The following TENM2 variants were observed in gnomAD, a reference collection of about 807,000 sequenced individuals.
TENM2 encodes the protein teneurin transmembrane protein 2, also known as teneurin-2.
Under a neutral mutation model 245.2 loss-of-function variants are expected in TENM2, and 52 were observed. The observed-to-expected ratio is 0.21, with a 90% CI of 0.17 to 0.27. The LOEUF is 0.27. TENM2 is among the 10% of genes least tolerant of loss of function. The probability of loss-of-function intolerance (pLI) is 1.00; values close to 1 mark genes in which losing one functional copy is unlikely to be tolerated. For synonymous variants in TENM2, 1,363 were observed against 1,438.9 expected (o/e 0.95, Z 1.19); for missense variants, 3,046 against 3,666.8 (o/e 0.83, Z 4.37).
chr5:167,157,929 G>T, the TENM2 span, among the ~76,000 whole-genome samples: 2 of 152,156 alleles, frequency 1.3e-5, no homozygotes, highest in Non-Finnish European at 2.9e-5. Flanking sequence ...CAATGAGAAA[G>T]AAGAGAAGAA....
chr5:167,572,865 G>A (rs1310348509), intron 2 of TENM2, among the ~76,000 whole-genome samples: 1 of 152,222 alleles, frequency 6.6e-6, no homozygotes, highest in African/African-American at 2.4e-5. Context: ...ACTCACGAAA[G>A]CAATCCTGTT....
intron 2 of TENM2, among the ~76,000 whole-genome samples, chr5:167,817,098 A>G (rs1311944913): frequency 6.6e-6 from 1 of 152,208 alleles, no homozygotes; most frequent in African/African-American, 2.4e-5. Context: ...GATGCAACAT[A>G]TCATATTTTT....
intron 12 of TENM2, among the ~76,000 whole-genome samples, chr5:168,156,756 G>A (rs1256989520): frequency 6.6e-6 from 1 of 151,840 alleles, no homozygotes; most frequent in Non-Finnish European, 1.5e-5. Flanking sequence ...GTAGAACCTT[G>A]GAAACTCTCT....
Position 168,204,425 on chromosome 5 carries a change from A to G in TENM2, c.3628A>G (p.Ile1210Val). Residue 1210 changes from isoleucine (I) to valine (V), a missense_variant, in exon 19 of 29, where the codon ATC (isoleucine) becomes GTC (valine). Physicochemically the swap from Ile to Val is conservative, Grantham distance 29. Transcript: ENST00000518659. ...CCAGTTCCTGACCCAGCAGCCTGCC[A>G]TCATCACCAGCATCATGGGCAATGG... is the stretch of plus-strand genomic sequence containing the variant. The G allele has an allele frequency of 6.2e-7, 1 of 1,613,934 alleles. No homozygotes were observed. Among genetic ancestry groups the G allele is most frequent in the Non-Finnish European group, 8.5e-7 (1 of 1,179,878 alleles).
At position 168,028,637 on chromosome 5, in the gene TENM2, A is replaced by T. The variant is rs180781790; in HGVS notation, c.1187-18790A>T. Among the ~76,000 whole-genome samples the T allele has an allele frequency of 1.9e-4, 29 of 152,168 alleles. No individual in the cohort carries two copies. In the East Asian group the frequency reaches 5.6e-3, roughly 29 times the overall value. On this transcript the variant is annotated intron_variant, in intron 5 of 28. Coordinates refer to ENST00000518659, the Ensembl canonical transcript of TENM2. Reference sequence around the variant, plus strand: ...AATGCTTTTAATATAATATATCCCAAATATTGTGTGGGAAATTCAAATGTA... The same window carrying T: ...AATGCTTTTAATATAATATATCCCATATATTGTGTGGGAAATTCAAATGTA...
the TENM2 span, among the ~76,000 whole-genome samples, chr5:167,011,411 G>A: frequency 6.6e-6 from 1 of 152,182 alleles, no homozygotes; most frequent in Non-Finnish European, 1.5e-5. Context: ...CTAAATGTCT[G>A]GATTTTATTC....
intron 2 of TENM2, among the ~76,000 whole-genome samples, chr5:167,407,026 T>C (rs1429797983): frequency 3.3e-5 from 5 of 152,170 alleles, no homozygotes; most frequent in Non-Finnish European, 1.5e-5. Flanking sequence ...ACAGCAGCAA[T>C]TGAGATGAGA....
chr5:167,036,961 G>A, the TENM2 span, among the ~76,000 whole-genome samples: 11 of 152,136 alleles, frequency 7.2e-5, no homozygotes, highest in Non-Finnish European at 1.0e-4. Context: ...GGCCTAGATC[G>A]TTAGTGAAGG....
chr5:168,199,222 A>T, intron 16 of TENM2, 108 bp downstream of exon 18: 2 of 1,189,370 alleles, frequency 1.7e-6, no homozygotes, highest in Non-Finnish European at 2.3e-6. Flanking sequence ...AGGGGAGTAA[A>T]AAAAGTGGGA....
chr5:167,196,645 T>C, the TENM2 span, among the ~76,000 whole-genome samples: 1 of 151,708 alleles, frequency 6.6e-6, no homozygotes, highest in East Asian at 1.9e-4. Context: ...TCTATATTCG[T>C]GGGTTTGCGT....
At chr5:167,005,644 T>C in the TENM2 span, among the ~76,000 whole-genome samples, 21 of 149,426 alleles carry the variant, frequency 1.4e-4, no homozygotes, top group African/African-American at 5.2e-4. Context: ...TCTTGTTTTT[T>C]CTGTGTGTGG....
At chr5:168,004,625 A>C (rs1784685917) in intron 5 of TENM2, among the ~76,000 whole-genome samples, 1 of 151,990 alleles carries the variant, frequency 6.6e-6, no homozygotes, top group African/African-American at 2.4e-5. Flanking sequence ...TGCACATCTT[A>C]ATAAAGTATC....
At chr5:167,172,680 A>G in the TENM2 span, among the ~76,000 whole-genome samples, 4 of 142,312 alleles carry the variant, frequency 2.8e-5, no homozygotes, top group Non-Finnish European at 6.0e-5. Flanking sequence ...GTTGGAGTGC[A>G]GTGGTCCTGC....
At chr5:167,922,646 T>C (rs979912113) in intron 3 of TENM2, among the ~76,000 whole-genome samples, 1 of 152,206 alleles carries the variant, frequency 6.6e-6, no homozygotes, top group African/African-American at 2.4e-5. Context: ...CAGTCCTTGG[T>C]TCTCAGCCAC....
chr5:167,915,930 C>G (rs1022005940), intron 3 of TENM2, among the ~76,000 whole-genome samples: 2 of 152,100 alleles, frequency 1.3e-5, no homozygotes, highest in African/African-American at 2.4e-5. Flanking sequence ...TTTGATTATC[C>G]ACACTGCTAT....
intron 5 of TENM2, among the ~76,000 whole-genome samples, chr5:167,995,603 C>G (rs1783995814): frequency 6.6e-6 from 1 of 152,206 alleles, no homozygotes; most frequent in African/African-American, 2.4e-5. Flanking sequence ...ATCTGAAGTG[C>G]TGATCTTGGC....
chr5:167,007,037 A>C, the TENM2 span, among the ~76,000 whole-genome samples: 2 of 152,212 alleles, frequency 1.3e-5, no homozygotes, highest in Non-Finnish European at 2.9e-5. This position sits in a 1 kb window ranked among gnomAD's most constrained non-coding sequence, Gnocchi z 4.2. Context: ...TCAAAAATGT[A>C]ATTTAATGCC....
chr5:167,339,603 AT>A (rs144229621), intron 1 of TENM2, among the ~76,000 whole-genome samples: 7,802 of 145,222 alleles, frequency 0.054, 240 homozygotes, highest in African/African-American at 0.086. Context: ...TTTTCAATTC[AT>A]TTTTTTTTTT....
chr5:167,716,158 C>A (rs147688988), intron 2 of TENM2, among the ~76,000 whole-genome samples: 2 of 152,252 alleles, frequency 1.3e-5, no homozygotes, highest in African/African-American at 4.8e-5. Flanking sequence ...AGAAAAGTGA[C>A]GAGGTCCTTT....
Sources: gnomAD v4.1 joint callset for allele counts (sites outside exome capture counted in the v4.1 genomes callset) on GRCh38, gnomAD v4.1.1 for gene constraint, Gnocchi (gnomAD v3.1) non-coding constraint, MANE v1.5 for transcripts, NCBI Gene and HGNC (gene_info 2026-07-23, HGNC 2026-07-21) for gene names.